The following PXN variants were observed in gnomAD, a reference collection of about 807,000 sequenced individuals.
PXN encodes testicular tissue protein Li 134.
In PXN, 61 loss-of-function variants were observed where a neutral mutation model predicts 103.6. The observed-to-expected ratio is 0.59, with a 90% CI of 0.48 to 0.73. The LOEUF is 0.73. Ranked by LOEUF, PXN falls within the 30% of genes least tolerant of loss-of-function variation. PXN has a pLI of 0.00. For missense variants in PXN, 1,274 were observed against 1,460.3 expected (o/e 0.87, Z 2.08); for synonymous variants, 562 against 607.8 (o/e 0.92, Z 1.11).
At chr12:120,255,812 G>A (rs1373446946) in intron 1 of PXN, among the ~76,000 whole-genome samples, 2 of 151,960 alleles carry the variant, frequency 1.3e-5, no homozygotes, top group Non-Finnish European at 2.9e-5. Context: ...TTGGGAGGCC[G>A]AGGTGGGCGG....
At chr12:120,227,098 CA>C (rs1275666956) in intron 1 of PXN, 2 of 986,060 alleles carry the variant, frequency 2.0e-6, no homozygotes, top group East Asian at 2.3e-4. Context: ...AGAATATGAG[CA>C]AACCATGAAA....
At chr12:120,233,166 A>G (rs1888388172) in intron 1 of PXN, among the ~76,000 whole-genome samples, 1 of 151,940 alleles carries the variant, frequency 6.6e-6, no homozygotes, top group Non-Finnish European at 1.5e-5. Flanking sequence ...TCCTGCACAC[A>G]CCATCGGCCC....
rs759669028 is a variant in PXN at position 120,265,620 on chromosome 12, G to A, written c.10C>T (p.Leu4Phe). The A allele has an allele frequency of 3.4e-6, 5 of 1,485,572 alleles. No individual in the cohort carries two copies. Among genetic ancestry groups the A allele is most frequent in the African/African-American group, 1.5e-5 (1 of 68,336 alleles). The allele number at this position is 1,485,572 out of a possible 1,614,324, so 92.0% of individuals were successfully genotyped here. Residue 4 changes from leucine to phenylalanine, a missense_variant, in exon 1 of 15, where the codon CTC (leucine) becomes TTC (phenylalanine). Physicochemically the swap from Leu to Phe is conservative, Grantham distance 22. This residue lies in a region of PXN where 1,178 missense variants were observed against 1,309.0 expected (regional missense o/e 0.90). Transcript: ENST00000637617. This position sits in a 1 kb window ranked among gnomAD's most constrained non-coding sequence, Gnocchi z 5.7. MDD[L>F]DALLADLEST... Reference sequence around the variant, plus strand: ...CCTCGGCCTCCCGCTCACTCACCGAGGTCGTCCATGGCCGGACCACGGGCG... The same window carrying A: ...CCTCGGCCTCCCGCTCACTCACCGAAGTCGTCCATGGCCGGACCACGGGCG...
At position 120,219,941 on chromosome 12, in the gene PXN, G is replaced by C; in HGVS notation, c.982C>G (p.Pro328Ala). 2 of 1,597,630 alleles carry C rather than the reference G, an allele frequency of 1.3e-6. No homozygotes were observed. The highest frequency in any genetic ancestry group is 8.5e-7 in the Non-Finnish European group (1 of 1,179,038). Residue 328 changes from proline (P) to alanine (A), a missense_variant, in exon 7 of 15, where the codon CCG (proline) becomes GCG (alanine). Coordinates refer to ENST00000637617, the MANE Select transcript of PXN (RefSeq NM_001385981.1). This position sits in a 1 kb window ranked among gnomAD's most constrained non-coding sequence, Gnocchi z 6.5. ...CTCTGCTCAGTACAAGGGAACTCCG[G>C]AGTGTGGCCCTGGCCTCGAGGGGAG... ...IPSPRGQGHT[P>A]EFPCTEQSGR...
chr12:120,215,765 GGGTTTCTCCCCCACCGGCA>G lies in PXN; in HGVS notation c.2302-123_2302-105del, dbSNP rs1325109930. ...AAAGGGAATCTAGGATGAGATCTGAGGGTTTCTCCCCCACCGGCAGGACCAAAATTGGGGGAAAAAATCT... is the reference window on the plus strand; with the variant it reads ...AAAGGGAATCTAGGATGAGATCTGAGGGACCAAAATTGGGGGAAAAAATCT... On this transcript the variant is annotated intron_variant, in intron 9 of 14. Coordinates refer to ENST00000637617, the MANE Select transcript of PXN (RefSeq NM_001385981.1). The surrounding 1 kb of genome is among the most constrained non-coding windows in gnomAD (Gnocchi z 4.9). 1.2e-5 allele frequency: 16 copies of G among 1,342,840 alleles called. No homozygotes were observed. The highest frequency in any genetic ancestry group is 1.5e-5 in the Non-Finnish European group (15 of 1,019,672). The allele number at this position is 1,342,840 out of a possible 1,614,324, so 83.2% of individuals were successfully genotyped here. A position where few individuals can be genotyped will look rare whatever the true frequency, so the allele number is the denominator to read the frequency against.
At chr12:120,261,008 T>G (rs1893798005) in intron 1 of PXN, among the ~76,000 whole-genome samples, 1 of 152,156 alleles carries the variant, frequency 6.6e-6, no homozygotes, top group African/African-American at 2.4e-5. Flanking sequence ...CATTCACTAG[T>G]TGTAGAACTT....
intron 1 of PXN, among the ~76,000 whole-genome samples, chr12:120,238,835 T>TCAGGCAGTA (rs1683161398): frequency 6.6e-6 from 1 of 152,158 alleles, no homozygotes; most frequent in Non-Finnish European, 1.5e-5. Context: ...ACCCCATCAT[T>TCAGGCAGTA]CCTCCTTCAG....
At position 120,216,281 on chromosome 12, in the gene PXN, G is replaced by C. The variant is rs34236994; in HGVS notation, c.2293C>G (p.Pro765Ala). 0.11 allele frequency: 144,431 copies of C among 1,276,522 alleles called. 9,222 individuals carry two copies. The highest frequency in any genetic ancestry group is 0.21 in the African/African-American group (13,487 of 64,620). 79.1% of individuals were successfully genotyped at this position (1,276,522 alleles called of 1,614,324 possible). ...CQTDEDPLFP[P>A]MQIQGLEQRA... ...GCTCCTTTAAGGCCTGCCTGCATCG[G>C]GGGGAAGAGCGGGTCCTCATCAGTC... is the stretch of plus-strand genomic sequence containing the variant. The change falls in exon 9 of 15, where the codon CCG becomes GCG. Residue 765 changes from proline (P) to alanine (A), a missense_variant. Physicochemically the swap from Pro to Ala is conservative, Grantham distance 27 (BLOSUM62 -1). This residue lies in a region of PXN where 1,178 missense variants were observed against 1,309.0 expected (regional missense o/e 0.90). Coordinates refer to ENST00000637617, the MANE Select transcript of PXN (RefSeq NM_001385981.1). This position sits in a 1 kb window ranked among gnomAD's most constrained non-coding sequence, Gnocchi z 5.1.
intron 1 of PXN, chr12:120,226,604 G>A (rs1886937158): frequency 1.0e-5 from 12 of 1,190,586 alleles, no homozygotes; most frequent in African/African-American, 1.6e-5. Flanking sequence ...TTTGGTTTAT[G>A]GATTGGATTC....
chr12:120,255,303 G>A (rs1007572617), intron 1 of PXN, among the ~76,000 whole-genome samples: 5 of 152,190 alleles, frequency 3.3e-5, no homozygotes, highest in Admixed American at 6.6e-5. Context: ...AGAAGCAAGC[G>A]GAGCTTAAGG....
rs919826038 is a variant in PXN, at chr12:120,216,651, C to T, written c.1993-70G>A. ...GCTCAGCCCACAGGGGTGGCGGGACCTCCCCAGGCTCCCCCTGGGCCTTCC... is the reference window on the plus strand; with the variant it reads ...GCTCAGCCCACAGGGGTGGCGGGACTTCCCCAGGCTCCCCCTGGGCCTTCC... On this transcript the variant is annotated intron_variant, in intron 8 of 14. Transcript: ENST00000637617. This position sits in a 1 kb window ranked among gnomAD's most constrained non-coding sequence, Gnocchi z 5.1. 2.6e-6 allele frequency: 4 copies of T among 1,553,018 alleles called. No individual in the cohort carries two copies. In the East Asian group the frequency reaches 7.1e-5, roughly 27 times the overall value.
In PXN at chr12:120,222,891, T is replaced by C; in HGVS notation, c.465A>G (p.Val155=). 6.2e-7 allele frequency: 1 copy of C among 1,613,908 alleles called. No homozygotes were observed. The highest frequency in any genetic ancestry group is 1.3e-5 in the African/African-American group (1 of 75,044). The part of the protein sequence containing the change: ...LDRLLLELNA[V]QHNPPGFPAD... ...CAGGGAAGCCTGGCGGGTTATGCTG[T>C]ACAGCGTTCAGTTCCAGCAGCAGGC... is the stretch of plus-strand genomic sequence containing the variant. Residue 155 remains valine, a synonymous_variant, in exon 4 of 15, where the codon GTA becomes GTG. Transcript: ENST00000637617. The surrounding 1 kb of genome is among the most constrained non-coding windows in gnomAD (Gnocchi z 4.7).
At chr12:120,248,492 T>TCACACACACACACA (rs3221954) in intron 1 of PXN, among the ~76,000 whole-genome samples, 104 of 127,944 alleles carry the variant, frequency 8.1e-4, no homozygotes, top group African/African-American at 3.0e-3. Context: ...CAGATGACTT[T>TCACACACACACACA]CACACACACA....
At chr12:120,256,620 T>C (rs1274354957) in intron 1 of PXN, among the ~76,000 whole-genome samples, 1 of 152,160 alleles carries the variant, frequency 6.6e-6, no homozygotes, top group African/African-American at 2.4e-5. Context: ...CTTGAGGATC[T>C]GTCTACTATG....
At chr12:120,259,318 G>A (rs1429958941) in intron 1 of PXN, among the ~76,000 whole-genome samples, 2 of 152,090 alleles carry the variant, frequency 1.3e-5, no homozygotes, top group Non-Finnish European at 2.9e-5. Context: ...CTTAAGCCCA[G>A]GAGGCGGAGG....
rs1894605192 is a variant in PXN, at chr12:120,265,693, G to A, written c.-64C>T. The A allele has an allele frequency of 4.5e-6, 6 of 1,320,996 alleles. No individual in the cohort carries two copies. The highest frequency in any genetic ancestry group is 4.8e-6 in the Non-Finnish European group (5 of 1,031,208). The allele number at this position is 1,320,996 out of a possible 1,614,324, so 81.8% of individuals were successfully genotyped here. ...GCCCGTCCCGGGGCCGCTCGTCTATGCCCCGCAACTTTTCCGCCGCGAGCC... is the reference window on the plus strand; with the variant it reads ...GCCCGTCCCGGGGCCGCTCGTCTATACCCCGCAACTTTTCCGCCGCGAGCC... On this transcript the variant is annotated 5_prime_UTR_variant, in exon 1 of 15. Transcript: ENST00000637617. This position sits in a 1 kb window ranked among gnomAD's most constrained non-coding sequence, Gnocchi z 5.7.
At chr12:120,223,688 G>C (rs1361816794) in intron 3 of PXN, 30 bp downstream of exon 3, 13 of 1,497,818 alleles carry the variant, frequency 8.7e-6, no homozygotes, top group Non-Finnish European at 1.2e-5. Context: ...AAGCAGGAGG[G>C]AAGGTGCCCT....
intron 1 of PXN, among the ~76,000 whole-genome samples, chr12:120,239,411 T>C (rs939894522): frequency 6.6e-6 from 1 of 152,098 alleles, no homozygotes; most frequent in African/African-American, 2.4e-5. Flanking sequence ...TGAAACCCCG[T>C]CTCTACTGAA....
At position 120,213,510 on chromosome 12, in the gene PXN, G is replaced by A. The variant is rs1031771474; in HGVS notation, c.2979+332C>T. 2.3e-4 allele frequency among the ~76,000 whole-genome samples: 35 copies of A among 152,336 alleles called. No homozygotes were observed. The highest frequency in any genetic ancestry group is 7.7e-4 in the African/African-American group (32 of 41,582). ...GGGGCCCCCAGAATGCAGTGGTTTT[G>A]GAAACCACTGCCCATTTCTGTTGAG... On this transcript the variant is annotated intron_variant, in intron 14 of 14. Transcript: ENST00000637617. The surrounding 1 kb of genome is among the most constrained non-coding windows in gnomAD (Gnocchi z 4.2).
Sources: allele counts gnomAD v4.1 joint callset (sites outside exome capture counted in the v4.1 genomes callset), GRCh38; gene constraint gnomAD v4.1.1; regional missense constraint gnomAD v4.1.1; non-coding constraint Gnocchi (gnomAD v3.1); transcripts MANE v1.5; gene names NCBI Gene and HGNC (gene_info 2026-07-23, HGNC 2026-07-21).